MAST4: variants seen among roughly 807,000 people sequenced by gnomAD.
The protein encoded by MAST4 is microtubule associated serine/threonine kinase family member 4, also known as microtubule-associated serine/threonine-protein kinase 4.
MAST4 carries 89 observed loss-of-function variants against 162.7 expected under a neutral mutation model. The ratio of observed to expected loss-of-function variants is 0.55; its 90% CI spans 0.46 to 0.65. The LOEUF is 0.65. Among genes scored for constraint, MAST4 ranks in the 30% least tolerant of loss-of-function variants. The pLI is 0.00. For synonymous variants in MAST4, 1,479 were observed against 1,361.1 expected (o/e 1.09, Z -1.91); for missense variants, 3,153 against 3,374.0 (o/e 0.93, Z 1.62).
intron 5 of MAST4, among the ~76,000 whole-genome samples, chr5:67,063,578 C>G (rs1174118502): frequency 6.6e-6 from 1 of 151,228 alleles, no homozygotes; most frequent in Admixed American, 6.6e-5. Flanking sequence ...GAAACTGATG[C>G]CTAATTTTAA....
chr5:67,061,224 C>G lies in MAST4; in HGVS notation c.763+6732C>G, dbSNP rs998063350. 4.6e-5 allele frequency among the ~76,000 whole-genome samples: 7 copies of G among 152,236 alleles called. No homozygotes were observed. In the East Asian group the frequency reaches 5.8e-4, roughly 13 times the overall value. On this transcript the variant is annotated intron_variant, in intron 5 of 28. Transcript: ENST00000403625. ...GCCTATGTTGAAACTTTTGTTCCCC[C>G]CTTATCACCACCAAATAGTACAGTG...
At chr5:66,738,823 TTTC>T (rs142528000) in intron 1 of MAST4, among the ~76,000 whole-genome samples, 2,032 of 152,326 alleles carry the variant, frequency 0.013, 54 homozygotes, top group African/African-American at 0.046. Flanking sequence ...CATAAATCCC[TTTC>T]TTCTTCTTTG....
intron 21 of MAST4, 51 bp downstream of exon 21, chr5:67,142,584 G>C (rs1581703716): frequency 8.0e-7 from 1 of 1,242,642 alleles, no homozygotes. Context: ...AGGATCTCCC[G>C]CTGGCCAGAT....
intron 4 of MAST4, among the ~76,000 whole-genome samples, chr5:67,043,884 A>C (rs1056069837): frequency 6.6e-6 from 1 of 152,074 alleles, no homozygotes; most frequent in African/African-American, 2.4e-5. Flanking sequence ...TGACCTATGG[A>C]CAGCCAACCA....
chr5:66,667,178 A>T (rs754285954), intron 1 of MAST4, among the ~76,000 whole-genome samples: 22 of 152,214 alleles, frequency 1.4e-4, no homozygotes, highest in Non-Finnish European at 2.8e-4. Flanking sequence ...ACTCAGAAAA[A>T]TGAACTGCTT....
At chr5:66,856,213 T>G (rs1759673877) in intron 3 of MAST4, among the ~76,000 whole-genome samples, 1 of 152,134 alleles carries the variant, frequency 6.6e-6, no homozygotes, top group African/African-American at 2.4e-5. Flanking sequence ...GAGGTTAGTC[T>G]GAGCTTGCAC....
intron 3 of MAST4, among the ~76,000 whole-genome samples, chr5:66,885,089 C>A (rs1204877664): frequency 2.0e-5 from 3 of 152,120 alleles, no homozygotes; most frequent in Non-Finnish European, 4.4e-5. Flanking sequence ...AGACAGAATG[C>A]AAACATTTTT....
intron 4 of MAST4, among the ~76,000 whole-genome samples, chr5:67,000,490 C>T (rs1330867506): frequency 6.6e-6 from 1 of 152,156 alleles, no homozygotes; most frequent in African/African-American, 2.4e-5. Flanking sequence ...GTGGCTCACG[C>T]CTGTAAGCAC....
intron 1 of MAST4, among the ~76,000 whole-genome samples, chr5:66,689,322 C>G (rs1450333297): frequency 6.6e-6 from 1 of 152,130 alleles, no homozygotes; most frequent in Admixed American, 6.6e-5. Flanking sequence ...GGTGCAATCT[C>G]TACTGTCCCC....
At chr5:66,601,881 T>C (rs902096885) in intron 1 of MAST4, among the ~76,000 whole-genome samples, 1 of 152,180 alleles carries the variant, frequency 6.6e-6, no homozygotes, top group Non-Finnish European at 1.5e-5. Context: ...ACTGTTGATA[T>C]AGCCTAATCG....
intron 3 of MAST4, among the ~76,000 whole-genome samples, chr5:66,871,158 G>T (rs979303741): frequency 4.6e-5 from 7 of 152,154 alleles, no homozygotes; most frequent in African/African-American, 1.7e-4. Context: ...CGAACTCAGA[G>T]CTGGGAAGAG....
intron 1 of MAST4, among the ~76,000 whole-genome samples, chr5:66,624,916 C>T (rs927910257): frequency 5.3e-5 from 8 of 152,132 alleles, no homozygotes; most frequent in African/African-American, 1.9e-4. Flanking sequence ...TAGAAGAAAA[C>T]AGGGAAAACC....
rs189804893 is a variant in MAST4 at position 66,607,979 on chromosome 5, C to T, written c.363+10961C>T. Among the ~76,000 whole-genome samples, 260 of 151,718 alleles carry T rather than the reference C, an allele frequency of 1.7e-3. 1 individual carries two copies. Among genetic ancestry groups the T allele is most frequent in the African/African-American group, 6.0e-3 (248 of 41,380 alleles). On this transcript the variant is annotated intron_variant, in intron 1 of 28. Coordinates refer to ENST00000403625, the MANE Select transcript of MAST4 (RefSeq NM_001164664.2). ...ATGTATATATTTATGGTGTACAACA[C>T]GATGTTCTGATATGTATATATTTTG...
At chr5:67,040,563 G>A (rs1756616757) in intron 4 of MAST4, among the ~76,000 whole-genome samples, 1 of 152,196 alleles carries the variant, frequency 6.6e-6, no homozygotes, top group Non-Finnish European at 1.5e-5. Context: ...GTCCACCAGG[G>A]TCAGACTTAC....
At chr5:67,147,391 A>G (rs1002778342) in intron 23 of MAST4, among the ~76,000 whole-genome samples, 5 of 152,250 alleles carry the variant, frequency 3.3e-5, no homozygotes, top group Admixed American at 6.5e-5. Flanking sequence ...TACCATTGGC[A>G]GAAAAGAAGC....
intron 4 of MAST4, among the ~76,000 whole-genome samples, chr5:66,970,008 T>C (rs1289197145): frequency 2.0e-5 from 3 of 152,174 alleles, no homozygotes; most frequent in Non-Finnish European, 4.4e-5. Flanking sequence ...TGAATTGTCA[T>C]ATAGGATCAA....
intron 4 of MAST4, among the ~76,000 whole-genome samples, chr5:66,974,472 G>A (rs575888044): frequency 1.9e-4 from 29 of 152,272 alleles, no homozygotes; most frequent in South Asian, 4.1e-4. Flanking sequence ...TCTGGAGTTC[G>A]TTGCAATTTT....
intron 4 of MAST4, among the ~76,000 whole-genome samples, chr5:66,978,876 A>G (rs1349793615): frequency 6.6e-6 from 1 of 152,160 alleles, no homozygotes; most frequent in Non-Finnish European, 1.5e-5. Context: ...AACTAGCAAA[A>G]TAGAATAACA....
At chr5:67,095,496 ATGTT>A in intron 6 of MAST4, 97 bp from the exon 7 acceptor site, 1 of 817,554 alleles carries the variant, frequency 1.2e-6, no homozygotes, top group South Asian at 2.0e-5. Context: ...CTCACAGACT[ATGTT>A]TGTGTCATTT....
Sources: allele counts gnomAD v4.1 joint callset (sites outside exome capture counted in the v4.1 genomes callset), GRCh38; gene constraint gnomAD v4.1.1; transcripts MANE v1.5; gene names NCBI Gene and HGNC (gene_info 2026-07-23, HGNC 2026-07-21).